The following KLHL36 variants were observed in gnomAD, a reference collection of about 807,000 sequenced individuals.
KLHL36 encodes the protein kelch-like protein 36.
Under a neutral mutation model 53.3 loss-of-function variants are expected in KLHL36, and 35 were observed. The observed-to-expected ratio is 0.66, with a 90% CI of 0.50 to 0.87. The LOEUF is 0.87. Ranked by LOEUF, KLHL36 falls within the 40% of genes least tolerant of loss-of-function variation. The pLI, the probability that KLHL36 is intolerant of heterozygous loss-of-function variation, is 0.00. For synonymous variants in KLHL36, 472 were observed against 398.9 expected, an observed-to-expected ratio of 1.18 and a Z score of -2.18; for missense variants, 864 against 897.6, an observed-to-expected ratio of 0.96 and a Z score of 0.48.
chr16:84,659,816 G>A lies in KLHL36; in HGVS notation c.1194G>A (p.Met398Ile). 6.2e-7 allele frequency: 1 copy of A among 1,614,172 alleles called. No individual in the cohort carries two copies. Among genetic ancestry groups the A allele is most frequent in the Non-Finnish European group, 8.5e-7 (1 of 1,180,042 alleles). ...VDFYLASIEDMLVAIGGRNEN... is the reference protein window; with the variant it reads ...VDFYLASIEDILVAIGGRNEN... ...TCTACCTTGCCTCCATCGAAGACAT[G>A]CTGGTGGCCATCGGCGGCCGGAATG... The change falls in exon 4 of 5, where the codon ATG becomes ATA. Residue 398 changes from methionine (M) to isoleucine (I), a missense_variant. Physicochemically the swap from Met to Ile is conservative, Grantham distance 10 (BLOSUM62 1). Transcript: ENST00000564996.
At chr16:84,651,796 C>T (rs1567555585) in intron 2 of KLHL36, among the ~76,000 whole-genome samples, 3 of 152,030 alleles carry the variant, frequency 2.0e-5, no homozygotes, top group Non-Finnish European at 4.4e-5. Flanking sequence ...AGCAGACATA[C>T]AGTGCATCTG....
intron 1 of KLHL36, among the ~76,000 whole-genome samples, chr16:84,650,317 G>C (rs949888317): frequency 6.6e-6 from 1 of 152,070 alleles, no homozygotes. Context: ...TCTCGAACCC[G>C]GGCCTCATTC....
intron 2 of KLHL36, among the ~76,000 whole-genome samples, chr16:84,655,052 A>T (rs1020159676): frequency 4.6e-5 from 7 of 151,866 alleles, no homozygotes; most frequent in African/African-American, 1.7e-4. Flanking sequence ...GTGGGTAACC[A>T]GGATAAATAG....
chr16:84,654,420 G>A (rs1907082659), intron 2 of KLHL36, among the ~76,000 whole-genome samples: 1 of 152,188 alleles, frequency 6.6e-6, no homozygotes, highest in East Asian at 1.9e-4. Flanking sequence ...GGCTGAGGCA[G>A]GAGGATCGTT....
Position 84,662,156 on chromosome 16 carries a change from C to T in KLHL36, c.*23C>T. 1 of 1,485,862 alleles carries T rather than the reference C, an allele frequency of 6.7e-7. No homozygotes were observed. The highest frequency in any genetic ancestry group is 9.0e-7 in the Non-Finnish European group (1 of 1,112,718). The allele number at this position is 1,485,862 out of a possible 1,614,324, so 92.0% of individuals were successfully genotyped here. On this transcript the variant is annotated 3_prime_UTR_variant, in exon 5 of 5. Coordinates refer to ENST00000564996, the MANE Select transcript of KLHL36 (RefSeq NM_024731.4). The stretch of plus-strand genomic sequence containing the variant: ...TGACCCTAGCTGCGCCTCTTGGGAC[C>T]ATCCTCACCGTCACCTCCCAGGGCT...
At chr16:84,655,051 C>G (rs1907121057) in intron 2 of KLHL36, among the ~76,000 whole-genome samples, 1 of 152,066 alleles carries the variant, frequency 6.6e-6, no homozygotes, top group Non-Finnish European at 1.5e-5. Flanking sequence ...TGTGGGTAAC[C>G]AGGATAAATA....
Position 84,663,269 on chromosome 16 carries a change from A to G in KLHL36, c.*1136A>G, listed in dbSNP as rs1907663816. The G allele has an allele frequency of 6.6e-6, 1 of 152,254 alleles. No homozygotes were observed. The highest frequency in any genetic ancestry group is 1.5e-5 in the Non-Finnish European group (1 of 68,088). The allele number at this position is 152,254 out of a possible 1,614,324, so 9.4% of individuals were successfully genotyped here. On this transcript the variant is annotated 3_prime_UTR_variant, in exon 5 of 5. Transcript: ENST00000564996. ...CCACCCCGCTTAGCCACAGGATTAG[A>G]TGGAATACCCTCCAGGCTCCTCCCG...
In KLHL36 at chr16:84,666,708, T is replaced by C. The variant is rs950990173; in HGVS notation, c.*4575T>C. ...GAATCATTGTCCTTAGCTTTAGAGGTTGTTAATTTCTTGTTTTTAACATGA... is the reference window on the plus strand; with the variant it reads ...GAATCATTGTCCTTAGCTTTAGAGGCTGTTAATTTCTTGTTTTTAACATGA... On this transcript the variant is annotated 3_prime_UTR_variant, in exon 5 of 5. Coordinates refer to ENST00000564996, the MANE Select transcript of KLHL36 (RefSeq NM_024731.4). 17 of 152,202 alleles carry C rather than the reference T, an allele frequency of 1.1e-4. No individual in the cohort carries two copies. Among genetic ancestry groups the C allele is most frequent in the African/African-American group, 4.1e-4 (17 of 41,442 alleles). The allele number at this position is 152,202 out of a possible 1,614,324, so 9.4% of individuals were successfully genotyped here. A position where few individuals can be genotyped will look rare whatever the true frequency, so the allele number is the denominator to read the frequency against.
At chr16:84,653,458 G>A (rs1006427811) in intron 2 of KLHL36, among the ~76,000 whole-genome samples, 4 of 151,958 alleles carry the variant, frequency 2.6e-5, no homozygotes, top group Non-Finnish European at 5.9e-5. Context: ...TGTTACCAAT[G>A]TCCCTTTATA....
chr16:84,658,778 CG>C (rs1907374107), intron 3 of KLHL36: 1 of 152,148 alleles, frequency 6.6e-6, no homozygotes, highest in African/African-American at 2.4e-5. Flanking sequence ...CTCAGCGTCG[CG>C]CCCAGCTCAG....
intron 2 of KLHL36, among the ~76,000 whole-genome samples, chr16:84,653,582 G>T (rs1225574689): frequency 6.6e-6 from 1 of 152,066 alleles, no homozygotes; most frequent in African/African-American, 2.4e-5. Context: ...GTGAAACCCC[G>T]TCTCTACTGA....
chr16:84,659,875 G>C lies in KLHL36; in HGVS notation c.1253G>C (p.Ser418Thr). 1 of 1,613,592 alleles carries C rather than the reference G, an allele frequency of 6.2e-7. No individual in the cohort carries two copies. Among genetic ancestry groups the C allele is most frequent in the Non-Finnish European group, 8.5e-7 (1 of 1,179,544 alleles). Reference protein sequence around the residue: ...NGALSSVETYSPKTDSWSYVA... With the variant: ...NGALSSVETYTPKTDSWSYVA... ...GCGCTCTCTTCAGTAGAGACGTACA[G>C]TCCCAAGACTGACTCCTGGTCCTAT... The change falls in exon 4 of 5, where the codon AGT (serine) becomes ACT (threonine). Residue 418 changes from serine to threonine, a missense_variant. By Grantham distance (58) the Ser-to-Thr change is moderately conservative. Coordinates refer to ENST00000564996, the MANE Select transcript of KLHL36 (RefSeq NM_024731.4).
chr16:84,654,037 T>G (rs1907059641), intron 2 of KLHL36, among the ~76,000 whole-genome samples: 1 of 152,084 alleles, frequency 6.6e-6, no homozygotes, highest in Non-Finnish European at 1.5e-5. Context: ...GGAGCTGGTG[T>G]CTCCCCTCGG....
At chr16:84,656,046 C>A (rs543610997) in intron 2 of KLHL36, among the ~76,000 whole-genome samples, 6 of 151,868 alleles carry the variant, frequency 4.0e-5, no homozygotes, top group African/African-American at 1.4e-4. Flanking sequence ...GCGAATGCCA[C>A]CACGCCCACC....
chr16:84,661,553 C>G lies in KLHL36; in HGVS notation c.1296-25C>G, dbSNP rs112955471. 1.9e-6 allele frequency: 3 copies of G among 1,552,272 alleles called. No homozygotes were observed. The highest frequency in any genetic ancestry group is 2.4e-5 in the South Asian group (2 of 82,562). On this transcript the variant is annotated intron_variant, in intron 4 of 4. Transcript: ENST00000564996. The surrounding 1 kb of genome is among the most constrained non-coding windows in gnomAD (Gnocchi z 7.9). ...CCTGGCACAGCCCTGAGCTCTCCCTCTGTCTCTGCCCGTCGACCCTGCAGG... is the reference window on the plus strand; with the variant it reads ...CCTGGCACAGCCCTGAGCTCTCCCTGTGTCTCTGCCCGTCGACCCTGCAGG...
chr16:84,659,772 A>G lies in KLHL36; in HGVS notation c.1150A>G (p.Asn384Asp). The change falls in exon 4 of 5, where the codon AAC (asparagine) becomes GAC (aspartate). Residue 384 changes from asparagine to aspartate, a missense_variant. Coordinates refer to ENST00000564996, the MANE Select transcript of KLHL36 (RefSeq NM_024731.4). ...CKQWIKVASM[N>D]QRRVDFYLAS... The stretch of plus-strand genomic sequence containing the variant: ...CTCAACTCCACAGGTGGCCTCCATG[A>G]ACCAGCGCCGTGTGGATTTCTACCT... The G allele has an allele frequency of 6.2e-7, 1 of 1,614,180 alleles. No homozygotes were observed. Among genetic ancestry groups the G allele is most frequent in the Non-Finnish European group, 8.5e-7 (1 of 1,180,022 alleles).
At chr16:84,653,244 A>C (rs1907006958) in intron 2 of KLHL36, among the ~76,000 whole-genome samples, 1 of 151,822 alleles carries the variant, frequency 6.6e-6, no homozygotes, top group South Asian at 2.1e-4. Context: ...TTCCTTTTTG[A>C]TGCTAAATTC....
rs1472126823 is a variant in KLHL36 at position 84,661,699 on chromosome 16, T to C, written c.1417T>C (p.Trp473Arg). The C allele has an allele frequency of 1.2e-6, 2 of 1,612,714 alleles. No homozygotes were observed. Among genetic ancestry groups the C allele is most frequent in the Non-Finnish European group, 1.7e-6 (2 of 1,179,626 alleles). The change falls in exon 5 of 5, where the codon TGG becomes CGG. Residue 473 changes from tryptophan (W) to arginine (R), a missense_variant. Transcript: ENST00000564996. The surrounding 1 kb of genome is among the most constrained non-coding windows in gnomAD (Gnocchi z 7.9). ...ATGCTACGACCACCGGACAGACGTG[T>C]GGGAGGAGCGGCGGCCCATGACCAC... ...LLCYDHRTDVWEERRPMTTAR... is the reference protein window; with the variant it reads ...LLCYDHRTDVREERRPMTTAR...
Position 84,667,387 on chromosome 16 carries a change from G to A in KLHL36, c.*5254G>A, listed in dbSNP as rs893309766. On this transcript the variant is annotated 3_prime_UTR_variant, in exon 5 of 5. Coordinates refer to ENST00000564996, the MANE Select transcript of KLHL36 (RefSeq NM_024731.4). ...ACTGATGTTACTGAAATCTGCAATC[G>A]TGTATGTTTTTTAATTTGTTGCTTT... is the stretch of plus-strand genomic sequence containing the variant. 2 of 152,158 alleles carry A rather than the reference G, an allele frequency of 1.3e-5. No homozygotes were observed. Among genetic ancestry groups the A allele is most frequent in the African/African-American group, 2.4e-5 (1 of 41,432 alleles). The allele number at this position is 152,158 out of a possible 1,614,324, so 9.4% of individuals were successfully genotyped here. A position where few individuals can be genotyped will look rare whatever the true frequency, so the allele number is the denominator to read the frequency against.
Sources: allele counts gnomAD v4.1 joint callset (sites outside exome capture counted in the v4.1 genomes callset), GRCh38; gene constraint gnomAD v4.1.1; non-coding constraint Gnocchi (gnomAD v3.1); transcripts MANE v1.5; gene names NCBI Gene and HGNC (gene_info 2026-07-23, HGNC 2026-07-21).